The following COG5 variants were observed in gnomAD, a reference collection of about 807,000 sequenced individuals.
COG5 encodes the protein component of oligomeric golgi complex 5, also known as conserved oligomeric Golgi complex subunit 5.
In COG5, 86 loss-of-function variants were observed where a neutral mutation model predicts 110.4. That is an observed-to-expected ratio of 0.78 (90% CI 0.65 to 0.93). The LOEUF (loss-of-function observed/expected upper bound fraction) is 0.93, where lower values mean the gene tolerates loss of function less well. Among genes scored for constraint, COG5 ranks in the 40% least tolerant of loss-of-function variants. The probability of loss-of-function intolerance (pLI) is 0.00; values close to 1 mark genes in which losing one functional copy is unlikely to be tolerated. For synonymous variants in COG5, 360 were observed against 334.6 expected, an observed-to-expected ratio of 1.08 and a Z score of -0.83; for missense variants, 1,077 against 987.0, an observed-to-expected ratio of 1.09 and a Z score of -1.22.
intron 19 of COG5, among the ~76,000 whole-genome samples, chr7:107,214,799 G>C (rs1799404260): frequency 6.6e-6 from 1 of 151,984 alleles, no homozygotes; most frequent in South Asian, 2.1e-4. Flanking sequence ...GTGTACACCT[G>C]TGGTCCCAGC....
intron 8 of COG5, 62 bp downstream of exon 8, chr7:107,372,533 C>T (rs774837975): frequency 2.6e-6 from 4 of 1,512,798 alleles, no homozygotes; most frequent in Non-Finnish European, 2.7e-6. Context: ...GTTTCACATA[C>T]TATTCAAAAG....
intron 10 of COG5, among the ~76,000 whole-genome samples, chr7:107,335,541 TAAGA>T (rs1810632963): frequency 6.6e-6 from 1 of 151,720 alleles, no homozygotes; most frequent in Non-Finnish European, 1.5e-5. Flanking sequence ...CAAAATACAG[TAAGA>T]AAGGGAAAAA....
Position 107,236,604 on chromosome 7 carries a change from C to G in COG5, c.1937G>C (p.Ser646Thr), listed in dbSNP as rs1309267382. The G allele has an allele frequency of 1.2e-6, 2 of 1,614,092 alleles. No individual in the cohort carries two copies. Among genetic ancestry groups the G allele is most frequent in the South Asian group, 1.1e-5 (1 of 91,082 alleles). Residue 646 changes from serine to threonine, a missense_variant, in exon 18 of 22, where the codon AGT becomes ACT. Physicochemically the swap from Ser to Thr is moderately conservative, Grantham distance 58 (BLOSUM62 1). Transcript: ENST00000297135. ...GCATTCAAAGTGTTTAAAATAGTCACTCATAACTCTGGCAATGAAACCTTG... is the reference window on the plus strand; with the variant it reads ...GCATTCAAAGTGTTTAAAATAGTCAGTCATAACTCTGGCAATGAAACCTTG... ...ELQGFIARVM[S>T]DYFKHFECLD... is the part of the protein sequence containing the mutation.
chr7:107,213,830 G>C (rs531631330), intron 19 of COG5, among the ~76,000 whole-genome samples: 1 of 152,266 alleles, frequency 6.6e-6, no homozygotes, highest in South Asian at 2.1e-4. Flanking sequence ...CAAATGCACA[G>C]ACATCAATAC....
rs1020899034 is a variant in COG5 at position 107,203,046 on chromosome 7, G to C, written c.*470C>G. On this transcript the variant is annotated 3_prime_UTR_variant, in exon 22 of 22. Coordinates refer to ENST00000297135, the MANE Select transcript of COG5 (RefSeq NM_006348.5). ...TGTTAATTAATGTGGAGTGCAAGTT[G>C]GGCATCAGGATTTTAAAAAAATCCC... 4 of 165,664 alleles carry C rather than the reference G, an allele frequency of 2.4e-5. No individual in the cohort carries two copies. Among genetic ancestry groups the C allele is most frequent in the African/African-American group, 9.6e-5 (4 of 41,582 alleles). 10.3% of individuals were successfully genotyped at this position (165,664 alleles called of 1,614,324 possible).
chr7:107,503,566 C>T (rs1190026107), intron 6 of COG5, among the ~76,000 whole-genome samples: 1 of 152,092 alleles, frequency 6.6e-6, no homozygotes, highest in Non-Finnish European at 1.5e-5. Context: ...TGGGGAATTG[C>T]ACTGAATATG....
At chr7:107,484,756 A>G (rs1263118818) in intron 6 of COG5, among the ~76,000 whole-genome samples, 2 of 152,244 alleles carry the variant, frequency 1.3e-5, no homozygotes, top group African/African-American at 4.8e-5. Context: ...ACATCAAACT[A>G]AAGTGAAATT....
intron 11 of COG5, among the ~76,000 whole-genome samples, chr7:107,318,589 C>T (rs1808971631): frequency 6.6e-6 from 1 of 152,228 alleles, no homozygotes; most frequent in East Asian, 1.9e-4. Flanking sequence ...AGGCTACATA[C>T]AAGTCTAAGA....
intron 12 of COG5, among the ~76,000 whole-genome samples, chr7:107,285,915 A>T (rs1384450060): frequency 6.6e-6 from 1 of 152,104 alleles, no homozygotes; most frequent in East Asian, 1.9e-4. Flanking sequence ...CAGTAACAGG[A>T]GAGATATACA....
chr7:107,475,076 T>C, intron 6 of COG5: 1 of 1,613,148 alleles, frequency 6.2e-7, no homozygotes, highest in Non-Finnish European at 8.5e-7. Flanking sequence ...ATTTTATGTT[T>C]AGGCCCAAGT....
intron 6 of COG5, among the ~76,000 whole-genome samples, chr7:107,431,064 C>T (rs756847001): frequency 7.2e-5 from 11 of 152,078 alleles, no homozygotes; most frequent in Non-Finnish European, 1.3e-4. Flanking sequence ...TACAGTGTTC[C>T]GAAGGAACCA....
chr7:107,448,430 A>G (rs1469934283), intron 6 of COG5, among the ~76,000 whole-genome samples: 5 of 152,086 alleles, frequency 3.3e-5, no homozygotes, highest in African/African-American at 4.8e-5. Flanking sequence ...TTCATCCTTA[A>G]AACACCATGC....
chr7:107,492,167 T>C (rs987780299), intron 6 of COG5, among the ~76,000 whole-genome samples: 1 of 78,440 alleles, frequency 1.3e-5, no homozygotes, highest in African/African-American at 5.0e-5. Flanking sequence ...CAACAATGGG[T>C]AGTGTGTGTG....
At chr7:107,528,652 A>C (rs1219548183) in intron 5 of COG5, among the ~76,000 whole-genome samples, 2 of 152,176 alleles carry the variant, frequency 1.3e-5, no homozygotes, top group East Asian at 3.8e-4. Flanking sequence ...ATTACAAAGG[A>C]AAGAGAGACA....
At chr7:107,411,367 TG>T (rs1404705199) in intron 7 of COG5, among the ~76,000 whole-genome samples, 4 of 151,998 alleles carry the variant, frequency 2.6e-5, no homozygotes, top group Non-Finnish European at 5.9e-5. Context: ...TTTTAAACGG[TG>T]TAACAGTTTC....
At chr7:107,529,652 A>C (rs1328580454) in intron 5 of COG5, among the ~76,000 whole-genome samples, 1 of 152,232 alleles carries the variant, frequency 6.6e-6, no homozygotes, top group Admixed American at 6.5e-5. Flanking sequence ...CAGGCTATAA[A>C]GTCCTCGGAT....
rs538420391 is a variant in COG5, at chr7:107,328,906, C to T, written c.1027-4385G>A. ...TGTGATCTTGGCTCATTGCAACCTC[C>T]GCCTCCCGGGCTCAAGCGATTCTCC... is the stretch of plus-strand genomic sequence containing the variant. On this transcript the variant is annotated intron_variant, in intron 10 of 21. Transcript: ENST00000297135. Among the ~76,000 whole-genome samples the T allele has an allele frequency of 3.7e-3, 570 of 152,176 alleles. 2 individuals are homozygous for T. The highest frequency in any genetic ancestry group is 5.9e-3 in the Non-Finnish European group (403 of 68,002).
intron 3 of COG5, among the ~76,000 whole-genome samples, chr7:107,552,168 C>T (rs994457246): frequency 6.6e-6 from 1 of 152,180 alleles, no homozygotes; most frequent in Admixed American, 6.5e-5. Flanking sequence ...TAGACCTATA[C>T]ACACTCAATG....
At chr7:107,481,468 AG>A (rs2129120544) in intron 6 of COG5, among the ~76,000 whole-genome samples, 1 of 152,312 alleles carries the variant, frequency 6.6e-6, no homozygotes, top group Non-Finnish European at 1.5e-5. Context: ...ATGGGACTGT[AG>A]TGAGGTAATA....
Sources: gnomAD v4.1 joint callset for allele counts (sites outside exome capture counted in the v4.1 genomes callset) on GRCh38, gnomAD v4.1.1 for gene constraint, MANE v1.5 for transcripts, NCBI Gene and HGNC (gene_info 2026-07-23, HGNC 2026-07-21) for gene names.